EMC7: variants seen among roughly 807,000 people sequenced by gnomAD.
EMC7 encodes endoplasmic reticulum membrane protein complex subunit 7.
In EMC7, 4 loss-of-function variants were observed where a neutral mutation model predicts 24.4. The observed-to-expected ratio is 0.16, with a 90% CI of 0.08 to 0.38. EMC7 has a LOEUF of 0.38. Ranked by LOEUF, EMC7 falls within the 10% of genes least tolerant of loss-of-function variation. EMC7 has a pLI of 1.00. For synonymous variants in EMC7, 106 were observed against 112.0 expected, an observed-to-expected ratio of 0.95 and a Z score of 0.34; for missense variants, 221 against 300.6, an observed-to-expected ratio of 0.74 and a Z score of 1.96.
intron 1 of EMC7, among the ~76,000 whole-genome samples, chr15:34,097,793 A>C (rs1670955869): frequency 6.6e-6 from 1 of 152,024 alleles, no homozygotes; most frequent in Non-Finnish European, 1.5e-5. Context: ...ATACGGTGAA[A>C]CCCTGTCTCT....
intron 3 of EMC7, 108 bp from the exon 4 acceptor site, chr15:34,088,241 A>G (rs1900921651): frequency 1.1e-6 from 1 of 925,818 alleles, no homozygotes. Context: ...AACGTTGTCT[A>G]TACAATAACA....
intron 4 of EMC7, 100 bp from the exon 5 acceptor site, chr15:34,084,586 A>G (rs1900845329): frequency 7.4e-7 from 1 of 1,349,278 alleles, no homozygotes. Flanking sequence ...AACAAGTGAA[A>G]GGTACTGGTT....
intron 2 of EMC7, among the ~76,000 whole-genome samples, chr15:34,090,998 T>C (rs1386142690): frequency 1.3e-5 from 2 of 152,224 alleles, no homozygotes; most frequent in Non-Finnish European, 2.9e-5. Flanking sequence ...AAAATTCTCA[T>C]CCATGTTTAC....
At chr15:34,093,406 C>T (rs1901008789) in intron 2 of EMC7, among the ~76,000 whole-genome samples, 1 of 150,948 alleles carries the variant, frequency 6.6e-6, no homozygotes, top group Admixed American at 6.6e-5. Flanking sequence ...CACTGCACTC[C>T]AGCCTGGTGA....
intron 1 of EMC7, 136 bp downstream of exon 1, chr15:34,101,468 G>C: frequency 1.1e-6 from 1 of 900,666 alleles, no homozygotes; most frequent in South Asian, 1.6e-5. Flanking sequence ...AAGGTCTCCC[G>C]GCATAGACCG....
At chr15:34,101,541 C>G (rs953844578) in intron 1 of EMC7, 63 bp downstream of exon 1, 32 of 1,546,840 alleles carry the variant, frequency 2.1e-5, no homozygotes, top group Admixed American at 3.4e-5. Context: ...ACTTAACTCT[C>G]CTGGTGGGGT....
intron 4 of EMC7, chr15:34,086,150 G>A: frequency 2.5e-6 from 1 of 401,958 alleles, no homozygotes; most frequent in Admixed American, 2.9e-5. Context: ...CAATGTTGGG[G>A]ATCAAGATCT....
intron 1 of EMC7, among the ~76,000 whole-genome samples, chr15:34,096,797 G>A (rs1449327265): frequency 6.6e-6 from 1 of 151,636 alleles, no homozygotes; most frequent in Non-Finnish European, 1.5e-5. Context: ...AGACCAGCCT[G>A]ACCAACATGG....
intron 4 of EMC7, among the ~76,000 whole-genome samples, chr15:34,087,480 C>G (rs1372159853): frequency 6.6e-6 from 1 of 152,198 alleles, no homozygotes; most frequent in Non-Finnish European, 1.5e-5. Context: ...CCCCCTTGGT[C>G]TATCTGTGTG....
chr15:34,092,881 C>G (rs143008867), intron 2 of EMC7, among the ~76,000 whole-genome samples: 1 of 152,072 alleles, frequency 6.6e-6, no homozygotes, highest in Non-Finnish European at 1.5e-5. Flanking sequence ...TTGAAAAATA[C>G]TGTAAGTCAA....
At chr15:34,085,795 A>G (rs1315701905) in intron 4 of EMC7, 1 of 150,026 alleles carries the variant, frequency 6.7e-6, no homozygotes. Context: ...CTGCAAACAT[A>G]TATCAACTCT....
chr15:34,089,950 C>T (rs1283690444), intron 3 of EMC7, among the ~76,000 whole-genome samples: 1 of 152,058 alleles, frequency 6.6e-6, no homozygotes, highest in Non-Finnish European at 1.5e-5. Context: ...GAGCGAAACC[C>T]CGTCTAAAAA....
rs574633775 is a variant in EMC7 at position 34,095,083 on chromosome 15, C to T, written c.356+812G>A. On this transcript the variant is annotated intron_variant, in intron 2 of 4. Coordinates refer to ENST00000256545, the MANE Select transcript of EMC7 (RefSeq NM_020154.3). ...TATGCTGCGCAGACACCAAAAAGAT[C>T]AGTAGTAAAATTATTTATTAGTCCT... Among the ~76,000 whole-genome samples the T allele has an allele frequency of 7.2e-4, 110 of 152,262 alleles. 3 individuals carry two copies. The South Asian group carries it at 0.023, about 31-fold the overall frequency.
intron 1 of EMC7, among the ~76,000 whole-genome samples, chr15:34,097,659 T>C (rs1901098775): frequency 6.6e-6 from 1 of 152,166 alleles, no homozygotes; most frequent in Non-Finnish European, 1.5e-5. Context: ...CCCGATATCA[T>C]AATAATATAT....
At chr15:34,090,201 T>C in intron 3 of EMC7, 116 bp downstream of exon 3, 1 of 1,040,794 alleles carries the variant, frequency 9.6e-7, no homozygotes, top group Non-Finnish European at 1.4e-6. Flanking sequence ...TATTCACAAT[T>C]ATCCTTTCAT....
chr15:34,091,226 T>C (rs1434775027), intron 2 of EMC7, among the ~76,000 whole-genome samples: 2 of 152,250 alleles, frequency 1.3e-5, no homozygotes, highest in Non-Finnish European at 1.5e-5. Flanking sequence ...ATATCATTTC[T>C]ATGGCAGTCT....
intron 3 of EMC7, among the ~76,000 whole-genome samples, chr15:34,089,596 C>T (rs944610652): frequency 2.6e-5 from 4 of 152,162 alleles, no homozygotes; most frequent in African/African-American, 9.7e-5. Context: ...AGGAAGAAAT[C>T]CTTACTTGTG....
chr15:34,090,521 CTTATA>C (rs1393716799), intron 2 of EMC7, 66 bp from the exon 3 acceptor site: 20 of 1,520,606 alleles, frequency 1.3e-5, no homozygotes, highest in African/African-American at 2.8e-5. Context: ...AAAAGAACTG[CTTATA>C]TTATATTAGC....
chr15:34,090,470 T>A lies in EMC7; in HGVS notation c.357-15A>T, dbSNP rs758341598. On this transcript the variant is annotated splice_polypyrimidine_tract_variant and intron_variant, in intron 2 of 4. Transcript: ENST00000256545. ...CATATCTTGCTCTGATAAAGCAACA[T>A]GGGGAAAGCAACAGTAATTCCATTA... 24 of 1,600,962 alleles carry A rather than the reference T, an allele frequency of 1.5e-5. No homozygotes were observed. Among genetic ancestry groups the A allele is most frequent in the Non-Finnish European group, 2.0e-5 (24 of 1,174,578 alleles).
Sources: gnomAD v4.1 joint callset for allele counts (sites outside exome capture counted in the v4.1 genomes callset) on GRCh38, gnomAD v4.1.1 for gene constraint, MANE v1.5 for transcripts, NCBI Gene and HGNC (gene_info 2026-07-23, HGNC 2026-07-21) for gene names.